Variants in ZBTB16 observed in about 807,000 individuals in gnomAD.
The protein encoded by ZBTB16 is zinc finger and BTB domain containing 16.
ZBTB16 carries 8 observed loss-of-function variants against 56.8 expected under a neutral mutation model. That is an observed-to-expected ratio of 0.14 (90% CI 0.08 to 0.25). ZBTB16 has a LOEUF of 0.25. Ranked by LOEUF, ZBTB16 falls within the 10% of genes least tolerant of loss-of-function variation. The pLI, the probability that ZBTB16 is intolerant of heterozygous loss-of-function variation, is 1.00. For missense variants in ZBTB16, 625 were observed against 903.0 expected (o/e 0.69, Z 3.95); for synonymous variants, 363 against 368.5 (o/e 0.98, Z 0.17).
chr11:114,204,003 G>A (rs186807977), intron 4 of ZBTB16, among the ~76,000 whole-genome samples: 3 of 152,282 alleles, frequency 2.0e-5, no homozygotes, highest in Non-Finnish European at 1.5e-5. Context: ...CATCTGGCCT[G>A]GGAGGAGTCA....
At position 114,256,720 on chromosome 11, in the gene ZBTB16, T is replaced by C. The variant is rs1372276299; in HGVS notation, c.*6165T>C. 6.6e-6 allele frequency among the ~76,000 whole-genome samples: 1 copy of C among 152,172 alleles called. No homozygotes were observed. The highest frequency in any genetic ancestry group is 1.5e-5 in the Non-Finnish European group (1 of 68,028). On this transcript the variant is annotated 3_prime_UTR_variant, in exon 7 of 7. Transcript: ENST00000335953. ...GGAGGGGATGGGTGGGAGGTGGCCG[T>C]GCAAGCTCTGCATTGTCATGGACGG...
chr11:114,070,269 C>T (rs865900913), intron 2 of ZBTB16, among the ~76,000 whole-genome samples: 30 of 151,208 alleles, frequency 2.0e-4, no homozygotes, highest in Admixed American at 5.3e-4. Context: ...CCACCGCGCC[C>T]GGCTAATTTT....
intron 2 of ZBTB16, among the ~76,000 whole-genome samples, chr11:114,107,970 C>T (rs1198264031): frequency 6.6e-6 from 1 of 151,594 alleles, no homozygotes; most frequent in African/African-American, 2.4e-5. Context: ...TTCACCTCCT[C>T]TCCTCCCACC....
chr11:114,166,438 G>A (rs1342714603), intron 3 of ZBTB16, among the ~76,000 whole-genome samples: 1 of 152,012 alleles, frequency 6.6e-6, no homozygotes, highest in Non-Finnish European at 1.5e-5. Context: ...AGAAATCGGG[G>A]ACACAGTCCT....
chr11:114,116,045 A>C (rs141149822), intron 2 of ZBTB16, among the ~76,000 whole-genome samples: 92 of 152,334 alleles, frequency 6.0e-4, no homozygotes, highest in African/African-American at 2.2e-3. Flanking sequence ...TTTTATTTGC[A>C]AGAAAATTTT....
chr11:114,178,411 G>A (rs760973180), intron 3 of ZBTB16, among the ~76,000 whole-genome samples: 17 of 152,194 alleles, frequency 1.1e-4, no homozygotes, highest in Non-Finnish European at 1.8e-4. Flanking sequence ...GCCCAGAAGA[G>A]ATAATTCACT....
chr11:114,089,314 T>C (rs1161431149), intron 2 of ZBTB16, among the ~76,000 whole-genome samples: 1 of 152,200 alleles, frequency 6.6e-6, no homozygotes, highest in East Asian at 1.9e-4. Context: ...TGGCTTAGGC[T>C]TCATAATGTC....
intron 2 of ZBTB16, among the ~76,000 whole-genome samples, chr11:114,111,156 CGT>C (rs4020003): frequency 3.1e-3 from 456 of 148,536 alleles, no homozygotes; most frequent in Non-Finnish European, 5.0e-3. Flanking sequence ...ATCTGTGCTG[CGT>C]GTGTGTGTGT....
intron 3 of ZBTB16, among the ~76,000 whole-genome samples, chr11:114,177,064 C>T (rs1018626742): frequency 6.6e-6 from 1 of 152,126 alleles, no homozygotes; most frequent in Non-Finnish European, 1.5e-5. Context: ...CAGGAGCTGT[C>T]CTCCTGGAGC....
chr11:114,122,460 GC>G (rs140045415), intron 2 of ZBTB16, among the ~76,000 whole-genome samples: 14,453 of 152,156 alleles, frequency 0.095, 890 homozygotes, highest in Non-Finnish European at 0.13. Flanking sequence ...ATTACATAGG[GC>G]TTTTTTTGGT....
chr11:114,185,973 G>A (rs1056560518), intron 3 of ZBTB16, among the ~76,000 whole-genome samples: 2 of 152,148 alleles, frequency 1.3e-5, no homozygotes, highest in African/African-American at 4.8e-5. Flanking sequence ...TGTGTGTCAG[G>A]CAGATGCAGC....
chr11:114,089,495 C>T (rs1207367035), intron 2 of ZBTB16, among the ~76,000 whole-genome samples: 1 of 152,252 alleles, frequency 6.6e-6, no homozygotes, highest in Admixed American at 6.5e-5. Context: ...TGGCAGGTAG[C>T]ACAGCGCAAT....
chr11:114,071,327 G>T (rs1161860583), intron 2 of ZBTB16, among the ~76,000 whole-genome samples: 1 of 150,750 alleles, frequency 6.6e-6, no homozygotes, highest in Non-Finnish European at 1.5e-5. Flanking sequence ...TGGAACTTTT[G>T]AAGATGATTT....
intron 5 of ZBTB16, chr11:114,246,882 A>G (rs1944826683): frequency 5.0e-6 from 2 of 397,256 alleles, no homozygotes; most frequent in Non-Finnish European, 4.8e-6. Context: ...GAGAAGCAAG[A>G]TGGTGAGGTC....
chr11:114,225,974 A>T (rs552453267), intron 4 of ZBTB16, among the ~76,000 whole-genome samples: 12 of 152,352 alleles, frequency 7.9e-5, no homozygotes, highest in African/African-American at 2.9e-4. Context: ...AGTGATTTGC[A>T]TATGATTATG....
At position 114,063,752 on chromosome 11, in the gene ZBTB16, G is replaced by A. The variant is rs753220958; in HGVS notation, c.452G>A (p.Arg151Gln). ...GAGGAAGAAGAGGACCGCAAGGCTCGGTACCTCAAGAACATCTTCATCTCG... is the reference window on the plus strand; with the variant it reads ...GAGGAAGAAGAGGACCGCAAGGCTCAGTACCTCAAGAACATCTTCATCTCG... ...GAEEEEDRKA[R>Q]YLKNIFISKH... Residue 151 changes from arginine (R) to glutamine (Q), a missense_variant, in exon 2 of 7, where the codon CGG (arginine) becomes CAG (glutamine). Arg to Gln is a conservative substitution (Grantham distance 43). Transcript: ENST00000335953. The surrounding 1 kb of genome is among the most constrained non-coding windows in gnomAD (Gnocchi z 6.5). 20 of 1,613,862 alleles carry A rather than the reference G, an allele frequency of 1.2e-5. No homozygotes were observed. The highest frequency in any genetic ancestry group is 8.3e-5 in the Admixed American group (5 of 60,004).
At chr11:114,144,694 G>T (rs1048187257) in intron 2 of ZBTB16, among the ~76,000 whole-genome samples, 1 of 152,066 alleles carries the variant, frequency 6.6e-6, no homozygotes, top group Non-Finnish European at 1.5e-5. Flanking sequence ...AGCTTGCCTG[G>T]GATATTTTTG....
intron 2 of ZBTB16, among the ~76,000 whole-genome samples, chr11:114,089,368 T>A (rs1940095257): frequency 6.6e-6 from 1 of 152,234 alleles, no homozygotes; most frequent in South Asian, 2.1e-4. Context: ...CTGATTTGGT[T>A]AACCCAGTTG....
At chr11:114,196,571 T>C (rs1943617297) in intron 4 of ZBTB16, among the ~76,000 whole-genome samples, 1 of 152,134 alleles carries the variant, frequency 6.6e-6, no homozygotes, top group Admixed American at 6.5e-5. Context: ...GTGACTCAAG[T>C]TTGCTGTGAG....
Sources: gnomAD v4.1 joint callset for allele counts (sites outside exome capture counted in the v4.1 genomes callset) on GRCh38, gnomAD v4.1.1 for gene constraint, Gnocchi (gnomAD v3.1) non-coding constraint, MANE v1.5 for transcripts, NCBI Gene and HGNC (gene_info 2026-07-23, HGNC 2026-07-21) for gene names.